The following DLG2 variants were observed in gnomAD, a reference collection of about 807,000 sequenced individuals.
DLG2 encodes discs large MAGUK scaffold protein 2.
DLG2 carries 45 observed loss-of-function variants against 132.5 expected under a neutral mutation model. The ratio of observed to expected loss-of-function variants is 0.34; its 90% CI spans 0.27 to 0.44. DLG2 has a LOEUF of 0.44. Among genes scored for constraint, DLG2 ranks in the 20% least tolerant of loss-of-function variants. The probability of loss-of-function intolerance (pLI) is 1.00; values close to 1 mark genes in which losing one functional copy is unlikely to be tolerated. For synonymous variants in DLG2, 424 were observed against 419.6 expected, an observed-to-expected ratio of 1.01 and a Z score of -0.13; for missense variants, 1,045 against 1,196.9, an observed-to-expected ratio of 0.87 and a Z score of 1.87.
intron 3 of DLG2, among the ~76,000 whole-genome samples, chr11:85,391,634 T>C (rs1006052432): frequency 6.6e-6 from 1 of 151,912 alleles, no homozygotes; most frequent in East Asian, 1.9e-4. Flanking sequence ...TGGTTTAACA[T>C]CCACAAGCCA....
At chr11:84,434,918 G>GAAAA (rs770101910) in intron 7 of DLG2, among the ~76,000 whole-genome samples, 14 of 79,250 alleles carry the variant, frequency 1.8e-4, no homozygotes, top group African/African-American at 4.8e-4. Flanking sequence ...GTCACCTACT[G>GAAAA]AAAAAAAAAA....
chr11:84,112,134 TC>T (rs1169370357), intron 9 of DLG2, among the ~76,000 whole-genome samples: 4 of 151,838 alleles, frequency 2.6e-5, no homozygotes, highest in Admixed American at 2.6e-4. Flanking sequence ...TGTCTCAGCC[TC>T]CCCTCAGGCG....
intron 18 of DLG2, among the ~76,000 whole-genome samples, chr11:83,786,213 A>G (rs1285307626): frequency 6.6e-6 from 1 of 152,204 alleles, no homozygotes; most frequent in African/African-American, 2.4e-5. Context: ...TATTTCAAAC[A>G]AGGGATATTG....
chr11:85,427,251 A>G (rs2090828919), intron 3 of DLG2, among the ~76,000 whole-genome samples: 1 of 152,306 alleles, frequency 6.6e-6, no homozygotes, highest in South Asian at 2.1e-4. Context: ...GCAGGCCAAC[A>G]TTCAAATTCA....
intron 6 of DLG2, among the ~76,000 whole-genome samples, chr11:84,813,035 T>C (rs1327098499): frequency 6.6e-6 from 1 of 152,142 alleles, no homozygotes; most frequent in Non-Finnish European, 1.5e-5. Flanking sequence ...ATTCTTGATG[T>C]TTAATAGGAA....
intron 14 of DLG2, among the ~76,000 whole-genome samples, chr11:83,939,781 A>G (rs12292654): frequency 0.076 from 11,639 of 152,222 alleles, 610 homozygotes; most frequent in Non-Finnish European, 0.12. Context: ...ATTCATCTAT[A>G]TACTTCTGTA....
rs183976799 is a variant in DLG2 at position 84,301,511 on chromosome 11, T to C, written c.520-50220A>G. On this transcript the variant is annotated intron_variant, in intron 7 of 27. Transcript: ENST00000376104. ...TCTCTACTAAAAATACAAAAAAAAA[T>C]TAGCCAGGCCTGGTGGCGGCGCCTA... is the stretch of plus-strand genomic sequence containing the variant. Among the ~76,000 whole-genome samples the C allele has an allele frequency of 2.4e-3, 370 of 151,434 alleles. 1 individual carries two copies. The highest frequency in any genetic ancestry group is 8.7e-3 in the African/African-American group (359 of 41,260).
intron 6 of DLG2, among the ~76,000 whole-genome samples, chr11:84,856,651 C>T (rs2154025804): frequency 6.6e-6 from 1 of 152,186 alleles, no homozygotes; most frequent in South Asian, 2.1e-4. Flanking sequence ...CACTTCCATG[C>T]TTGTCAGTCT....
chr11:85,014,698 C>T (rs1186149968), intron 6 of DLG2, among the ~76,000 whole-genome samples: 1 of 152,094 alleles, frequency 6.6e-6, no homozygotes, highest in Non-Finnish European at 1.5e-5. Flanking sequence ...ACTTCAAAGC[C>T]CCACCCGGAC....
chr11:85,254,073 T>A (rs2152702015), intron 4 of DLG2, among the ~76,000 whole-genome samples: 1 of 152,292 alleles, frequency 6.6e-6, no homozygotes, highest in East Asian at 1.9e-4. Context: ...GGGATGTAAA[T>A]TCTCACTTTG....
chr11:85,292,832 C>T (rs2078996915), intron 3 of DLG2, among the ~76,000 whole-genome samples: 1 of 151,720 alleles, frequency 6.6e-6, no homozygotes, highest in Non-Finnish European at 1.5e-5. Flanking sequence ...AAGTATTTTC[C>T]TCTATTAAAA....
chr11:83,790,636 G>A, intron 17 of DLG2: 1 of 1,251,926 alleles, frequency 8.0e-7, no homozygotes, highest in East Asian at 2.3e-5. Context: ...TGCATTGGAG[G>A]TAGCAATGGT....
At chr11:85,269,873 A>G (rs1362727420) in intron 4 of DLG2, among the ~76,000 whole-genome samples, 2 of 152,206 alleles carry the variant, frequency 1.3e-5, no homozygotes, top group East Asian at 3.8e-4. Context: ...ATCTTAGATT[A>G]TTCATATTTA....
At chr11:84,725,256 T>G (rs1305091546) in intron 6 of DLG2, among the ~76,000 whole-genome samples, 3 of 152,124 alleles carry the variant, frequency 2.0e-5, no homozygotes, top group African/African-American at 7.2e-5. Flanking sequence ...TGTTTGTTAT[T>G]TAGTAACTCT....
chr11:84,783,370 G>A (rs1378979821), intron 6 of DLG2, among the ~76,000 whole-genome samples: 1 of 152,082 alleles, frequency 6.6e-6, no homozygotes, highest in Non-Finnish European at 1.5e-5. Flanking sequence ...CCATCACCCT[G>A]TGCCCCTTAA....
chr11:83,595,355 G>A (rs903783882), intron 19 of DLG2, among the ~76,000 whole-genome samples: 12 of 152,312 alleles, frequency 7.9e-5, no homozygotes, highest in Middle Eastern at 3.4e-3. Context: ...GCATTTTGCA[G>A]TTGAGGAAAC....
At chr11:83,834,503 G>A (rs1156373604) in intron 16 of DLG2, among the ~76,000 whole-genome samples, 1 of 152,126 alleles carries the variant, frequency 6.6e-6, no homozygotes, top group Non-Finnish European at 1.5e-5. Flanking sequence ...GGAAAAAGAG[G>A]AGAGAGAGCA....
At chr11:83,919,481 C>A (rs925704956) in intron 15 of DLG2, among the ~76,000 whole-genome samples, 1 of 152,142 alleles carries the variant, frequency 6.6e-6, no homozygotes, top group African/African-American at 2.4e-5. Flanking sequence ...AAAATTCATA[C>A]ATATTTGAAA....
At chr11:83,712,351 G>C (rs181949858) in intron 18 of DLG2, among the ~76,000 whole-genome samples, 1 of 152,048 alleles carries the variant, frequency 6.6e-6, no homozygotes, top group South Asian at 2.1e-4. Context: ...AAGATTTGCC[G>C]GGCGTGGTGG....
Sources: gnomAD v4.1 joint callset for allele counts (sites outside exome capture counted in the v4.1 genomes callset) on GRCh38, gnomAD v4.1.1 for gene constraint, MANE v1.5 for transcripts, NCBI Gene and HGNC (gene_info 2026-07-23, HGNC 2026-07-21) for gene names.